Variants in FA2H observed in about 807,000 individuals in gnomAD.
FA2H encodes fatty acid alpha-hydroxylase.
FA2H carries 22 observed loss-of-function variants against 44.9 expected under a neutral mutation model. That is an observed-to-expected ratio of 0.49 (90% confidence interval 0.35 to 0.70). FA2H has a LOEUF of 0.70. Among genes scored for constraint, FA2H ranks in the 30% least tolerant of loss-of-function variants. FA2H has a pLI of 0.01. For missense variants in FA2H, 501 were observed against 504.9 expected (o/e 0.99, Z 0.07); for synonymous variants, 243 against 213.2 (o/e 1.14, Z -1.22).
rs372440503 is a variant in FA2H at position 74,770,881 on chromosome 16, C to T, written c.270+3605G>A. Among the ~76,000 whole-genome samples, 249 of 152,324 alleles carry T rather than the reference C, an allele frequency of 1.6e-3. 8 individuals carry two copies. In the South Asian group the frequency reaches 0.046, roughly 28 times the overall value. On this transcript the variant is annotated intron_variant, in intron 1 of 6. Coordinates refer to ENST00000219368, the MANE Select transcript of FA2H (RefSeq NM_024306.5). The stretch of plus-strand genomic sequence containing the variant: ...GTCTGCAGCATGGCCCGCCCTCGGG[C>T]TCTTAGGCAACAGATGAGCATACAG...
chr16:74,746,375 A>T (rs199548242), intron 1 of FA2H, among the ~76,000 whole-genome samples: 7,110 of 84,982 alleles, frequency 0.084, 319 homozygotes, highest in East Asian at 0.17. Flanking sequence ...TATTATTATT[A>T]TTATTTTTTT....
intron 4 of FA2H, among the ~76,000 whole-genome samples, chr16:74,724,878 G>A (rs1022641414): frequency 1.3e-5 from 2 of 152,172 alleles, no homozygotes; most frequent in Non-Finnish European, 2.9e-5. Flanking sequence ...CCATCCGGCC[G>A]GAGCTGGTAC....
At chr16:74,726,411 G>C in intron 3 of FA2H, 80 bp from the exon 4 acceptor site, 1 of 916,808 alleles carries the variant, frequency 1.1e-6, no homozygotes, top group Non-Finnish European at 1.8e-6. Context: ...TTTTTGAGAC[G>C]GAGTTTCACT....
chr16:74,755,376 C>T (rs1362500667), intron 1 of FA2H, among the ~76,000 whole-genome samples: 1 of 152,058 alleles, frequency 6.6e-6, no homozygotes, highest in African/African-American at 2.4e-5. Context: ...GACGGGGTTT[C>T]GCCATGTTGG....
chr16:74,760,448 G>C (rs150443258), intron 1 of FA2H, among the ~76,000 whole-genome samples: 311 of 152,254 alleles, frequency 2.0e-3, no homozygotes, highest in African/African-American at 7.1e-3. Flanking sequence ...AGCTTTTCAA[G>C]CCAACACATC....
rs1389533007 is a variant in FA2H at position 74,716,474 on chromosome 16, G to GC, written c.911dup (p.Leu305ProfsTer8). On this transcript the variant is annotated frameshift_variant, in exon 6 of 7. Transcript: ENST00000219368. LOFTEE classifies it high-confidence loss of function. ...TGTCATAGAGGACGTAGCCCAGGAG[G>GC]CCCCCCGCAAACACAGTGCCCCCTA... 1.2e-6 allele frequency: 2 copies of GC among 1,613,778 alleles called. No homozygotes were observed. The highest frequency in any genetic ancestry group is 1.7e-6 in the Non-Finnish European group (2 of 1,179,966).
chr16:74,741,808 A>ATATATATGTGTGTGTGTG (rs1491185782), intron 1 of FA2H, among the ~76,000 whole-genome samples: 3 of 48,418 alleles, frequency 6.2e-5, no homozygotes, highest in African/African-American at 3.2e-4. Context: ...ATATATATAT[A>ATATATATGTGTGTGTGTG]TGTGTGTGTG....
chr16:74,720,165 A>G (rs1961801306), intron 4 of FA2H, among the ~76,000 whole-genome samples: 2 of 7,802 alleles, frequency 2.6e-4, no homozygotes, highest in Non-Finnish European at 1.2e-3. Flanking sequence ...TTTGCTCCAT[A>G]TATTCATCCT....
chr16:74,745,736 C>T (rs1478433188), intron 1 of FA2H, among the ~76,000 whole-genome samples: 1 of 152,140 alleles, frequency 6.6e-6, no homozygotes, highest in African/African-American at 2.4e-5. Context: ...GGCTCATCAC[C>T]AGGCGTTATT....
At position 74,730,109 on chromosome 16, in the gene FA2H, G is replaced by GC. The variant is rs541329640; in HGVS notation, c.364-2724dup. Among the ~76,000 whole-genome samples the GC allele has an allele frequency of 1.1e-3, 162 of 152,252 alleles. 1 individual carries two copies. Among genetic ancestry groups the GC allele is most frequent in the African/African-American group, 3.6e-3 (148 of 41,548 alleles). On this transcript the variant is annotated intron_variant, in intron 2 of 6. Transcript: ENST00000219368. ...GTCTTCCAGGAACTAGCCCTTACATGCCCCCCAGCTGCTCTGGAGGTGGAG... is the reference window on the plus strand; with the variant it reads ...GTCTTCCAGGAACTAGCCCTTACATGCCCCCCCAGCTGCTCTGGAGGTGGAG...
chr16:74,762,942 A>G (rs1026645908), intron 1 of FA2H, among the ~76,000 whole-genome samples: 1 of 152,218 alleles, frequency 6.6e-6, no homozygotes. Flanking sequence ...AGCAGAAGTC[A>G]TTATGGTTGT....
intron 1 of FA2H, chr16:74,741,322 G>C (rs1164554851): frequency 1.3e-5 from 2 of 152,302 alleles, no homozygotes; most frequent in East Asian, 3.9e-4. Context: ...GTTTCCAAAC[G>C]GACCCAAGAG....
chr16:74,734,490 G>A (rs564837517), intron 2 of FA2H, among the ~76,000 whole-genome samples: 70 of 152,346 alleles, frequency 4.6e-4, no homozygotes, highest in Admixed American at 3.9e-3. Context: ...ACCTTGTGCC[G>A]ACTGTGTGGG....
At chr16:74,750,039 C>T (rs550447057) in intron 1 of FA2H, among the ~76,000 whole-genome samples, 1 of 152,282 alleles carries the variant, frequency 6.6e-6, no homozygotes, top group African/African-American at 2.4e-5. Flanking sequence ...TCTTGCTGCA[C>T]GGGTAAAATG....
At chr16:74,754,861 T>C (rs1347118529) in intron 1 of FA2H, among the ~76,000 whole-genome samples, 1 of 152,026 alleles carries the variant, frequency 6.6e-6, no homozygotes, top group Non-Finnish European at 1.5e-5. Context: ...CAATGTAAGA[T>C]GAGGTCATGC....
At chr16:74,716,769 C>G (rs1961714299) in intron 5 of FA2H, 170 bp from the exon 6 acceptor site, 5 of 657,798 alleles carry the variant, frequency 7.6e-6, no homozygotes, top group Non-Finnish European at 1.3e-5. Context: ...TCTGGAAGAT[C>G]TGGAGAGACT....
intron 1 of FA2H, among the ~76,000 whole-genome samples, chr16:74,768,504 C>T (rs1021142639): frequency 6.6e-6 from 1 of 152,218 alleles, no homozygotes; most frequent in Non-Finnish European, 1.5e-5. Context: ...AGGCAGGCTC[C>T]CCTGGGATGC....
At chr16:74,720,230 C>T (rs1052024206) in intron 4 of FA2H, among the ~76,000 whole-genome samples, 19 of 99,360 alleles carry the variant, frequency 1.9e-4, no homozygotes, top group African/African-American at 7.2e-4. Flanking sequence ...GAGTCTTGCT[C>T]TGTTGCCTAG....
At chr16:74,743,427 A>G (rs1779588380) in intron 1 of FA2H, among the ~76,000 whole-genome samples, 1 of 152,238 alleles carries the variant, frequency 6.6e-6, no homozygotes, top group South Asian at 2.1e-4. Context: ...TGACATGAAG[A>G]AACCGGAGGA....
Sources: gnomAD v4.1 joint callset for allele counts (sites outside exome capture counted in the v4.1 genomes callset) on GRCh38, gnomAD v4.1.1 for gene constraint, MANE v1.5 for transcripts, NCBI Gene and HGNC (gene_info 2026-07-23, HGNC 2026-07-21) for gene names.